The following TNFSF9 variants were observed in gnomAD, a reference collection of about 807,000 sequenced individuals.
TNFSF9 encodes TNF superfamily member 9.
In TNFSF9, 10 loss-of-function variants were observed where a neutral mutation model predicts 10.3. That is an observed-to-expected ratio of 0.97 (90% confidence interval 0.60 to 1.65). The LOEUF is 1.65. Ranked by LOEUF, TNFSF9 falls within the 40% of genes most tolerant of loss-of-function variation. TNFSF9 has a pLI of 0.00. For missense variants in TNFSF9, 361 were observed against 348.9 expected, an observed-to-expected ratio of 1.03 and a Z score of -0.28; for synonymous variants, 195 against 176.1, an observed-to-expected ratio of 1.11 and a Z score of -0.85.
Position 6,531,096 on chromosome 19 carries a change from C to A in TNFSF9, c.60C>A (p.Arg20=), listed in dbSNP as rs761577994. The A allele has an allele frequency of 1.2e-6, 2 of 1,610,606 alleles. No individual in the cohort carries two copies. Among genetic ancestry groups the A allele is most frequent in the Admixed American group, 3.3e-5 (2 of 59,890 alleles). The change falls in exon 1 of 3, where the codon CGC becomes CGA. Residue 20 remains arginine (R), a synonymous_variant. Transcript: ENST00000245817. ...AAGCCCCGTGGCCTCCCGCGCCCCG[C>A]GCTCGCGCCTGCCGCGTACTGCCTT... ...DPEAPWPPAP[R]ARACRVLPWA...
At position 6,531,205 on chromosome 19, in the gene TNFSF9, G is replaced by A. The variant is rs772941778; in HGVS notation, c.169G>A (p.Gly57Arg). ...CCTCGCCTGCCCCTGGGCCGTGTCC[G>A]GGGCTCGCGCCTCGCCCGGCTCCGC... ...VFLACPWAVS[G>R]ARASPGSAAS... The change falls in exon 1 of 3, where the codon GGG becomes AGG. Residue 57 changes from glycine to arginine, a missense_variant. By Grantham distance (125) the Gly-to-Arg change is moderately radical. Transcript: ENST00000245817. 21 of 1,546,494 alleles carry A rather than the reference G, an allele frequency of 1.4e-5. No homozygotes were observed. Among genetic ancestry groups the A allele is most frequent in the Non-Finnish European group, 1.6e-5 (18 of 1,149,618 alleles).
At chr19:6,534,544 G>T in intron 2 of TNFSF9, 56 bp from the exon 3 acceptor site, 2 of 1,432,862 alleles carry the variant, frequency 1.4e-6, no homozygotes, top group Non-Finnish European at 1.9e-6. Flanking sequence ...GCTCAGCCAC[G>T]CTCAGCTGTG....
Position 6,531,239 on chromosome 19 carries a change from C to G in TNFSF9, c.203C>G (p.Pro68Arg), listed in dbSNP as rs753168707. ...GCCTCGCCCGGCTCCGCGGCCAGCC[C>G]GAGACTCCGCGAGGGTCCCGAGCTT... ...ARASPGSAASPRLREGPELSP... is the reference protein window; with the variant it reads ...ARASPGSAASRRLREGPELSP... Residue 68 changes from proline to arginine, a missense_variant, in exon 1 of 3, where the codon CCG becomes CGG. Coordinates refer to ENST00000245817, the MANE Select transcript of TNFSF9 (RefSeq NM_003811.4). 18 of 1,533,656 alleles carry G rather than the reference C, an allele frequency of 1.2e-5. No homozygotes were observed. Among genetic ancestry groups the G allele is most frequent in the Admixed American group, 2.1e-5 (1 of 48,478 alleles).
chr19:6,534,865 C>T lies in TNFSF9; in HGVS notation c.564C>T (p.Ala188=). The part of the protein sequence containing the change: ...ALALTVDLPP[A]SSEARNSAFG... ...CTTTGACCGTGGACCTGCCACCCGCCTCCTCCGAGGCTCGGAACTCGGCCT... is the reference window on the plus strand; with the variant it reads ...CTTTGACCGTGGACCTGCCACCCGCTTCCTCCGAGGCTCGGAACTCGGCCT... Residue 188 remains alanine, a synonymous_variant, in exon 3 of 3, where the codon GCC becomes GCT. Transcript: ENST00000245817. 1.2e-6 allele frequency: 2 copies of T among 1,607,294 alleles called. No homozygotes were observed. Among genetic ancestry groups the T allele is most frequent in the East Asian group, 2.2e-5 (1 of 44,826 alleles).
Position 6,534,874 on chromosome 19 carries a change from G to A in TNFSF9, c.573G>A (p.Glu191=), listed in dbSNP as rs772483383. 175 of 1,607,426 alleles carry A rather than the reference G, an allele frequency of 1.1e-4. No homozygotes were observed. Among genetic ancestry groups the A allele is most frequent in the Non-Finnish European group, 7.6e-5 (90 of 1,179,034 alleles). The change falls in exon 3 of 3, where the codon GAG becomes GAA. Residue 191 remains glutamate (E), a synonymous_variant. Transcript: ENST00000245817. ...LTVDLPPASS[E]ARNSAFGFQG... ...TGGACCTGCCACCCGCCTCCTCCGA[G>A]GCTCGGAACTCGGCCTTCGGTTTCC... is the stretch of plus-strand genomic sequence containing the variant.
chr19:6,532,266 CGTGTGTGTGTGTGT>C (rs3043218), intron 1 of TNFSF9, among the ~76,000 whole-genome samples: 2 of 139,822 alleles, frequency 1.4e-5, no homozygotes, highest in Non-Finnish European at 3.1e-5. Flanking sequence ...CCACCAGCTT[CGTGTGTGTGTGTGT>C]GTGTGTGTGT....
At chr19:6,533,955 A>T in intron 2 of TNFSF9, among the ~76,000 whole-genome samples, 1 of 107,744 alleles carries the variant, frequency 9.3e-6, no homozygotes, top group Non-Finnish European at 1.9e-5. Flanking sequence ...ACCCCTCTTA[A>T]AGTTCCCTTG....
Position 6,534,910 on chromosome 19 carries a change from G to C in TNFSF9, c.609G>C (p.Leu203Phe), listed in dbSNP as rs1262574163. The change falls in exon 3 of 3, where the codon TTG becomes TTC. Residue 203 changes from leucine (L) to phenylalanine (F), a missense_variant. Transcript: ENST00000245817. ...RNSAFGFQGR[L>F]LHLSAGQRLG... Reference sequence around the variant, plus strand: ...CGGCCTTCGGTTTCCAGGGCCGCTTGCTGCACCTGAGTGCCGGCCAGCGCC... The same window carrying C: ...CGGCCTTCGGTTTCCAGGGCCGCTTCCTGCACCTGAGTGCCGGCCAGCGCC... 1 of 1,608,886 alleles carries C rather than the reference G, an allele frequency of 6.2e-7. No individual in the cohort carries two copies. Among genetic ancestry groups the C allele is most frequent in the Non-Finnish European group, 8.5e-7 (1 of 1,179,374 alleles).
intron 2 of TNFSF9, 144 bp downstream of exon 2, chr19:6,532,960 C>T (rs1275781880): frequency 4.9e-6 from 6 of 1,216,190 alleles, no homozygotes; most frequent in Non-Finnish European, 7.1e-6. Flanking sequence ...CTGCTACTTC[C>T]CCTCTTTGAA....
At chr19:6,533,923 T>TG (rs1915207625) in intron 2 of TNFSF9, among the ~76,000 whole-genome samples, 1 of 55,838 alleles carries the variant, frequency 1.8e-5, no homozygotes, top group Non-Finnish European at 3.3e-5. Flanking sequence ...TTCGAAGTCC[T>TG]CTCTTACCAG....
chr19:6,531,412 C>A lies in TNFSF9; in HGVS notation c.267+109C>A, dbSNP rs76081997. 517 of 1,343,764 alleles carry A rather than the reference C, an allele frequency of 3.8e-4. 3 individuals are homozygous for A. In the African/African-American group the frequency reaches 7.3e-3, roughly 19 times the overall value. The allele number at this position is 1,343,764 out of a possible 1,614,324, so 83.2% of individuals were successfully genotyped here. On this transcript the variant is annotated intron_variant, in intron 1 of 2. Coordinates refer to ENST00000245817, the MANE Select transcript of TNFSF9 (RefSeq NM_003811.4). ...CCCAGGGACACCTGTTCTACACTCC[C>A]GGCCGGGGAGAGGAGACCCACCGGG...
intron 1 of TNFSF9, among the ~76,000 whole-genome samples, chr19:6,532,002 C>A (rs1915155199): frequency 6.6e-6 from 1 of 152,188 alleles, no homozygotes; most frequent in Non-Finnish European, 1.5e-5. Flanking sequence ...TTACCCCGCA[C>A]CCCCACAAGC....
At chr19:6,534,425 C>A (rs1007838692) in intron 2 of TNFSF9, among the ~76,000 whole-genome samples, 175 bp from the exon 3 acceptor site, 3 of 144,582 alleles carry the variant, frequency 2.1e-5, no homozygotes, top group East Asian at 4.1e-4. Flanking sequence ...ACGCCCCCCC[C>A]ACCCAGGCTC....
rs442511 is a variant in TNFSF9 at position 6,531,085 on chromosome 19, C to T, written c.49C>T (p.Pro17Ser). 1 of 1,610,914 alleles carries T rather than the reference C, an allele frequency of 6.2e-7. No homozygotes were observed. The highest frequency in any genetic ancestry group is 1.1e-5 in the South Asian group (1 of 91,006). ...ACTGGACCCCGAAGCCCCGTGGCCTCCCGCGCCCCGCGCTCGCGCCTGCCG... is the reference window on the plus strand; with the variant it reads ...ACTGGACCCCGAAGCCCCGTGGCCTTCCGCGCCCCGCGCTCGCGCCTGCCG... ...ASLDPEAPWP[P>S]APRARACRVL... The change falls in exon 1 of 3, where the codon CCC becomes TCC. Residue 17 changes from proline to serine, a missense_variant. Physicochemically the swap from Pro to Ser is moderately conservative, Grantham distance 74. Coordinates refer to ENST00000245817, the MANE Select transcript of TNFSF9 (RefSeq NM_003811.4).
At chr19:6,534,498 G>T (rs944084642) in intron 2 of TNFSF9, 102 bp from the exon 3 acceptor site, 2 of 689,558 alleles carry the variant, frequency 2.9e-6, no homozygotes, top group Non-Finnish European at 3.9e-6. Context: ...CCCCTGACCC[G>T]TTCTTTTCTC....
At chr19:6,531,466 CG>C (rs1322453024) in intron 1 of TNFSF9, among the ~76,000 whole-genome samples, 163 bp downstream of exon 1, 1 of 151,834 alleles carries the variant, frequency 6.6e-6, no homozygotes, top group Non-Finnish European at 1.5e-5. Flanking sequence ...GCACCGAGGC[CG>C]GGGGGGCACA....
Position 6,534,847 on chromosome 19 carries a change from C to T in TNFSF9, c.546C>T (p.Thr182=), listed in dbSNP as rs780661552. The T allele has an allele frequency of 3.7e-6, 6 of 1,606,494 alleles. No individual in the cohort carries two copies. The highest frequency in any genetic ancestry group is 5.1e-6 in the Non-Finnish European group (6 of 1,178,450). Residue 182 remains threonine, a synonymous_variant, in exon 3 of 3, where the codon ACC becomes ACT. Transcript: ENST00000245817. The part of the protein sequence containing the change: ...SAAGAAALAL[T]VDLPPASSEA... ...CTGGGGCCGCCGCCCTGGCTTTGAC[C>T]GTGGACCTGCCACCCGCCTCCTCCG...
rs370491099 is a variant in TNFSF9, at chr19:6,535,656, TTTTTC to T, written c.*594_*598del. The T allele has an allele frequency of 6.6e-6, 1 of 151,976 alleles. No homozygotes were observed. The highest frequency in any genetic ancestry group is 2.4e-5 in the African/African-American group (1 of 41,356). The allele number at this position is 151,976 out of a possible 1,614,324, so 9.4% of individuals were successfully genotyped here. ...CCTGTGTGATACTTGGGGGCTAGCTTTTTTCTTTCTTTCTTTTTTTTGAGATGGTC... is the reference window on the plus strand; with the variant it reads ...CCTGTGTGATACTTGGGGGCTAGCTTTTTCTTTCTTTTTTTTGAGATGGTC... On this transcript the variant is annotated 3_prime_UTR_variant, in exon 3 of 3. Transcript: ENST00000245817.
intron 1 of TNFSF9, 30 bp downstream of exon 1, chr19:6,531,333 G>T: frequency 6.9e-7 from 1 of 1,439,478 alleles, no homozygotes; most frequent in Non-Finnish European, 9.1e-7. Context: ...TCGGTAGCTG[G>T]TCTCGCGGGA....
Sources: gnomAD v4.1 joint callset for allele counts (sites outside exome capture counted in the v4.1 genomes callset) on GRCh38, gnomAD v4.1.1 for gene constraint, MANE v1.5 for transcripts, NCBI Gene and HGNC (gene_info 2026-07-23, HGNC 2026-07-21) for gene names.